The following SLCO4A1 variants were observed in gnomAD, a reference collection of about 807,000 sequenced individuals.
SLCO4A1 encodes the protein colon organic anion transporter.
Under a neutral mutation model 64.6 loss-of-function variants are expected in SLCO4A1, and 51 were observed. The ratio of observed to expected loss-of-function variants is 0.79; its 90% CI spans 0.63 to 1.00. The LOEUF is 1.00. Ranked by LOEUF, SLCO4A1 falls within the 50% of genes least tolerant of loss-of-function variation. SLCO4A1 has a pLI of 0.00. For missense variants in SLCO4A1, 919 were observed against 980.5 expected (o/e 0.94, Z 0.84); for synonymous variants, 471 against 444.9 (o/e 1.06, Z -0.74).
intron 1 of SLCO4A1, chr20:62,651,797 C>G (rs1390495366): frequency 2.0e-5 from 3 of 152,280 alleles, no homozygotes; most frequent in Admixed American, 6.5e-5. Flanking sequence ...GGATCCTCCC[C>G]CTTCCCCCTT....
At chr20:62,686,552 C>T (rs1319872124), downstream of SLCO4A1, among the ~76,000 whole-genome samples, 1 of 152,364 alleles carries the variant, frequency 6.6e-6, no homozygotes, top group East Asian at 1.9e-4. Context: ...CCCCCGAGGG[C>T]CCTCTGACCC....
At chr20:62,665,410 G>A (rs1985948235) in intron 6 of SLCO4A1, 4 of 264,818 alleles carry the variant, frequency 1.5e-5, no homozygotes, top group Non-Finnish European at 2.9e-5. Flanking sequence ...CCATGAGCCA[G>A]GCACTGGTGC....
chr20:62,664,827 C>T (rs1985778535), intron 5 of SLCO4A1, 107 bp from the exon 6 acceptor site: 1 of 1,269,384 alleles, frequency 7.9e-7, no homozygotes, highest in African/African-American at 1.5e-5. Context: ...CTTCTCCACA[C>T]CCCGACCTCT....
Position 62,669,058 on chromosome 20 carries a change from A to G in SLCO4A1, c.2005A>G (p.Ile669Val). 1.2e-6 allele frequency: 2 copies of G among 1,610,450 alleles called. No homozygotes were observed. The highest frequency in any genetic ancestry group is 2.7e-5 in the African/African-American group (2 of 75,042). Residue 669 changes from isoleucine to valine, a missense_variant, in exon 11 of 12, where the codon ATC (isoleucine) becomes GTC (valine). Transcript: ENST00000217159. ...TTCGGCCATGAGCCGCTACATACTC[A>G]TCATGGGGCTCCTGTACAAGGTAAG... is the stretch of plus-strand genomic sequence containing the variant. ...QNSAMSRYIL[I>V]MGLLYKVLGV...
chr20:62,666,495 C>T lies in SLCO4A1; in HGVS notation c.1392C>T (p.Val464=), dbSNP rs1372786496. ...AGTTCTGCCTGTTCTGCACCGTTGT[C>T]AGCCTGCTGGGCATCCTCGTCTTCT... ...VIKFCLFCTV[V]SLLGILVFSL... Residue 464 remains valine (V), a synonymous_variant, in exon 7 of 12, where the codon GTC becomes GTT. Coordinates refer to ENST00000217159, the MANE Select transcript of SLCO4A1 (RefSeq NM_016354.4). 6.2e-7 allele frequency: 1 copy of T among 1,613,596 alleles called. No homozygotes were observed. The highest frequency in any genetic ancestry group is 1.1e-5 in the South Asian group (1 of 91,082).
downstream of SLCO4A1, among the ~76,000 whole-genome samples, chr20:62,673,758 A>G (rs1987446022): frequency 4.9e-5 from 5 of 103,050 alleles, no homozygotes; most frequent in African/African-American, 5.8e-5. Flanking sequence ...CACGTGAGCC[A>G]ACCAAGAGGG....
At chr20:62,676,483 G>A (rs1987600174), downstream of SLCO4A1, among the ~76,000 whole-genome samples, 1 of 152,180 alleles carries the variant, frequency 6.6e-6, no homozygotes, top group South Asian at 2.1e-4. Context: ...TTAAAAATGG[G>A]CAAAGGATTT....
In SLCO4A1 at chr20:62,685,166, G is replaced by A. The variant is rs1988011981; in HGVS notation, n.212-275G>A. On this transcript the variant is annotated intron_variant and non_coding_transcript_variant, in intron 2 of 2. Coordinates refer to the SLCO4A1 transcript ENST00000466818. The surrounding 1 kb of genome is among the most constrained non-coding windows in gnomAD (Gnocchi z 4.6). ...AGGGCACTCAGCTGCCGAGGAGGGG[G>A]GTGGTGGGGAGGCACGGGCAGGCCT... Among the ~76,000 whole-genome samples, 1 of 151,772 alleles carries A rather than the reference G, an allele frequency of 6.6e-6. No individual in the cohort carries two copies. Among genetic ancestry groups the A allele is most frequent in the African/African-American group, 2.4e-5 (1 of 41,276 alleles).
At chr20:62,642,978 G>A (rs892191522) in intron 1 of SLCO4A1, 3 of 469,394 alleles carry the variant, frequency 6.4e-6, no homozygotes, top group African/African-American at 6.0e-5. Flanking sequence ...GGACGAACGC[G>A]CCTCCGCGGA....
intron 1 of SLCO4A1, among the ~76,000 whole-genome samples, chr20:62,646,485 C>T (rs1012844227): frequency 6.6e-6 from 1 of 152,264 alleles, no homozygotes; most frequent in Non-Finnish European, 1.5e-5. Flanking sequence ...TACGCCTTCA[C>T]TCACCAGTAG....
chr20:62,656,875 C>A lies in SLCO4A1; in HGVS notation c.421C>A (p.Gln141Lys), dbSNP rs778331143. Residue 141 changes from glutamine (Q) to lysine (K), a missense_variant, in exon 2 of 12, where the codon CAG becomes AAG. Gln to Lys is a moderately conservative substitution (Grantham distance 53). Transcript: ENST00000217159. ...LERRYDLHSY[Q>K]SGLIASSYDI... ...GCGCCGCTATGACCTGCACAGCTAC[C>A]AGAGCGGGCTCATCGCCAGCTCCTA... 1 of 1,588,244 alleles carries A rather than the reference C, an allele frequency of 6.3e-7. No homozygotes were observed. Among genetic ancestry groups the A allele is most frequent in the South Asian group, 1.1e-5 (1 of 89,236 alleles).
intron 1 of SLCO4A1, among the ~76,000 whole-genome samples, chr20:62,653,000 C>T (rs1016727120): frequency 6.6e-6 from 1 of 152,214 alleles, no homozygotes; most frequent in South Asian, 2.1e-4. Context: ...TGTGTGGCCT[C>T]GAGCAAATGA....
intron 1 of SLCO4A1, among the ~76,000 whole-genome samples, chr20:62,650,953 C>T (rs759085064): frequency 1.3e-5 from 2 of 152,216 alleles, no homozygotes; most frequent in South Asian, 2.1e-4. Flanking sequence ...CAGCTCAGAA[C>T]GGCACGCTCA....
intron 9 of SLCO4A1, 111 bp from the exon 10 acceptor site, chr20:62,668,366 G>A (rs868099257): frequency 1.1e-5 from 15 of 1,308,026 alleles, no homozygotes; most frequent in South Asian, 2.4e-5. Context: ...TCCCACTTGG[G>A]GGGGGGTGAT....
At chr20:62,686,683 A>G (rs2427384), downstream of SLCO4A1, among the ~76,000 whole-genome samples, 124,567 of 152,256 alleles carry the variant, frequency 0.82, 51,124 homozygotes, top group South Asian at 0.86. Context: ...AGTCTTAGCC[A>G]TGGTTGGCCC....
downstream of SLCO4A1, among the ~76,000 whole-genome samples, chr20:62,677,104 C>T (rs890175053): frequency 6.6e-6 from 1 of 152,334 alleles, no homozygotes; most frequent in African/African-American, 2.4e-5. Context: ...TCTGTAGAGA[C>T]AGAAAATGGA....
rs1285876590 is a variant in SLCO4A1, at chr20:62,672,117, A to G, written c.*224A>G. 7.0e-7 allele frequency: 1 copy of G among 1,428,560 alleles called. No homozygotes were observed. Among genetic ancestry groups the G allele is most frequent in the Non-Finnish European group, 9.2e-7 (1 of 1,089,782 alleles). 88.5% of individuals were successfully genotyped at this position (1,428,560 alleles called of 1,614,324 possible). A position where few individuals can be genotyped will look rare whatever the true frequency, so the allele number is the denominator to read the frequency against. On this transcript the variant is annotated 3_prime_UTR_variant, in exon 12 of 12. Coordinates refer to ENST00000217159, the MANE Select transcript of SLCO4A1 (RefSeq NM_016354.4). Reference sequence around the variant, plus strand: ...ATATATTTATGGACACACAGTTTGCATCAGAACGTGTTTATAGAATGTGTT... The same window carrying G: ...ATATATTTATGGACACACAGTTTGCGTCAGAACGTGTTTATAGAATGTGTT...
In SLCO4A1 at chr20:62,668,061, G is replaced by C. The variant is rs973835705; in HGVS notation, c.1688G>C (p.Gly563Ala). ...CCTCAGAATCTTTCCTCTGGTTTTG[G>C]CCATGCCACTGCAGGGAAATGCACT... ...CIPQNLSSGF[G>A]HATAGKCTST... The change falls in exon 9 of 12, where the codon GGC becomes GCC. Residue 563 changes from glycine to alanine, a missense_variant. By Grantham distance (60) the Gly-to-Ala change is moderately conservative. Coordinates refer to ENST00000217159, the MANE Select transcript of SLCO4A1 (RefSeq NM_016354.4). The C allele has an allele frequency of 1.2e-6, 2 of 1,613,838 alleles. No homozygotes were observed. Among genetic ancestry groups the C allele is most frequent in the African/African-American group, 2.7e-5 (2 of 74,908 alleles).
At chr20:62,675,013 G>A (rs184644130), downstream of SLCO4A1, among the ~76,000 whole-genome samples, 128 of 152,314 alleles carry the variant, frequency 8.4e-4, 1 homozygote, top group Middle Eastern at 0.02. Context: ...TTTCGACTCC[G>A]GTCTGGGGGC....
Sources: allele counts gnomAD v4.1 joint callset (sites outside exome capture counted in the v4.1 genomes callset), GRCh38; gene constraint gnomAD v4.1.1; non-coding constraint Gnocchi (gnomAD v3.1); transcripts MANE v1.5; gene names NCBI Gene and HGNC (gene_info 2026-07-23, HGNC 2026-07-21).